HERC1: variants seen among roughly 807,000 people sequenced by gnomAD.
HERC1 encodes the protein probable E3 ubiquitin-protein ligase HERC1.
In HERC1, 160 loss-of-function variants were observed where a neutral mutation model predicts 554.3. The observed-to-expected ratio is 0.29, with a 90% CI of 0.25 to 0.33. The LOEUF (loss-of-function observed/expected upper bound fraction) is 0.33. Ranked by LOEUF, HERC1 falls within the 10% of genes least tolerant of loss-of-function variation. The pLI, the probability that HERC1 is intolerant of heterozygous loss-of-function variation, is 1.00. For synonymous variants in HERC1, 2,175 were observed against 2,131.7 expected, an observed-to-expected ratio of 1.02 and a Z score of -0.56; for missense variants, 4,919 against 5,918.5, an observed-to-expected ratio of 0.83 and a Z score of 5.54.
At chr15:63,779,037 G>C (rs1051351771) in intron 1 of HERC1, among the ~76,000 whole-genome samples, 6 of 151,822 alleles carry the variant, frequency 4.0e-5, no homozygotes, top group African/African-American at 1.2e-4. Context: ...CAGCAATGAA[G>C]AATGAATTAT....
At chr15:63,702,923 G>A (rs1596014732) in intron 25 of HERC1, among the ~76,000 whole-genome samples, 1 of 152,134 alleles carries the variant, frequency 6.6e-6, no homozygotes. Flanking sequence ...GGCCAACATG[G>A]TGAAACTCCG....
At chr15:63,707,502 C>G (rs1487761064) in intron 24 of HERC1, among the ~76,000 whole-genome samples, 2 of 152,092 alleles carry the variant, frequency 1.3e-5, no homozygotes, top group African/African-American at 4.8e-5. Context: ...CCTACTTGGC[C>G]TATATGTACA....
Position 63,716,345 on chromosome 15 carries a change from C to G in HERC1, c.4107G>C (p.Glu1369Asp), listed in dbSNP as rs772836576. The G allele has an allele frequency of 1.2e-6, 2 of 1,613,852 alleles. No homozygotes were observed. Among genetic ancestry groups the G allele is most frequent in the South Asian group, 2.2e-5 (2 of 91,074 alleles). ...RDREEGHPEP[E>D]DEEEEREHEV... Reference sequence around the variant, plus strand: ...CATGTTCCCGTTCCTCCTCTTCATCCTCTGGCTCCGGATGCCCCTCTTCCC... The same window carrying G: ...CATGTTCCCGTTCCTCCTCTTCATCGTCTGGCTCCGGATGCCCCTCTTCCC... Residue 1369 changes from glutamate to aspartate, a missense_variant, in exon 22 of 78, where the codon GAG (glutamate) becomes GAC (aspartate). Physicochemically the swap from Glu to Asp is conservative, Grantham distance 45. Around this residue, in one of 11 missense-constraint regions of HERC1, gnomAD observed 1,121 missense variants for 1,244.0 expected, o/e 0.90. Coordinates refer to ENST00000443617, the MANE Select transcript of HERC1 (RefSeq NM_003922.4).
rs191117360 is a variant in HERC1, at chr15:63,784,953, A to C, written c.-26-9304T>G. Among the ~76,000 whole-genome samples the C allele has an allele frequency of 1.1e-3, 172 of 152,360 alleles. 1 individual carries two copies. The highest frequency in any genetic ancestry group is 4.1e-3 in the African/African-American group (170 of 41,582). On this transcript the variant is annotated intron_variant, in intron 1 of 77. Coordinates refer to ENST00000443617, the MANE Select transcript of HERC1 (RefSeq NM_003922.4). ...AAAAAGCATTTTTAAAGAAATCCAAAACAAGGCAAAACCTAAATTTTTGGA... is the reference window on the plus strand; with the variant it reads ...AAAAAGCATTTTTAAAGAAATCCAACACAAGGCAAAACCTAAATTTTTGGA...
intron 43 of HERC1, among the ~76,000 whole-genome samples, chr15:63,663,505 G>A (rs1195514290): frequency 6.6e-6 from 1 of 152,144 alleles, no homozygotes; most frequent in Non-Finnish European, 1.5e-5. Flanking sequence ...ACTCAAGCTG[G>A]AGTGCAATGG....
chr15:63,697,915 T>C (rs1424356201), intron 26 of HERC1, among the ~76,000 whole-genome samples: 1 of 152,180 alleles, frequency 6.6e-6, no homozygotes, highest in African/African-American at 2.4e-5. Flanking sequence ...GGGAGAACTA[T>C]GGAAGAATTG....
chr15:63,672,703 CAA>C lies in HERC1; in HGVS notation c.7847-11_7847-10del. The C allele has an allele frequency of 6.5e-7, 1 of 1,541,140 alleles. No homozygotes were observed. The highest frequency in any genetic ancestry group is 8.8e-7 in the Non-Finnish European group (1 of 1,141,226). ...AGCTTGTTGATCAATCTCTAGAAAC[CAA>C]AAAAAAGGTTAAGAAAGTAGTAAGG... On this transcript the variant is annotated splice_polypyrimidine_tract_variant and intron_variant, in intron 38 of 77. Transcript: ENST00000443617.
chr15:63,782,978 G>A (rs997946690), intron 1 of HERC1, among the ~76,000 whole-genome samples: 2 of 152,180 alleles, frequency 1.3e-5, no homozygotes, highest in Admixed American at 6.5e-5. Context: ...AAATTTTAAC[G>A]GATGAGGAGT....
At chr15:63,629,006 A>G (rs2068430826) in intron 69 of HERC1, among the ~76,000 whole-genome samples, 191 bp from the exon 70 acceptor site, 1 of 150,172 alleles carries the variant, frequency 6.7e-6, no homozygotes, top group African/African-American at 2.5e-5. Context: ...GCTGGAGTGC[A>G]GTGGCACAAT....
intron 42 of HERC1, 135 bp from the exon 43 acceptor site, chr15:63,664,729 A>C: frequency 1.2e-5 from 9 of 721,848 alleles, no homozygotes; most frequent in Non-Finnish European, 1.8e-5. Context: ...TTTGAAACAC[A>C]TCTTTATCCC....
chr15:63,768,664 T>C (rs1017054716), intron 2 of HERC1, among the ~76,000 whole-genome samples: 7 of 152,186 alleles, frequency 4.6e-5, no homozygotes, highest in Admixed American at 4.6e-4. Context: ...AGGGCCATCA[T>C]GATCCCTCTT....
chr15:63,723,679 C>A (rs192022485), intron 18 of HERC1, among the ~76,000 whole-genome samples: 1 of 152,152 alleles, frequency 6.6e-6, no homozygotes, highest in African/African-American at 2.4e-5. Flanking sequence ...ATGTCCTACA[C>A]GTGCAATGGT....
chr15:63,657,547 C>G (rs1321183805), intron 48 of HERC1, among the ~76,000 whole-genome samples: 3 of 152,202 alleles, frequency 2.0e-5, no homozygotes, highest in South Asian at 2.1e-4. Flanking sequence ...AGATGCATTA[C>G]TAATATCTTC....
rs2070496327 is a variant in HERC1, at chr15:63,664,165, C to T, written c.8680+305G>A. Among the ~76,000 whole-genome samples the T allele has an allele frequency of 2.0e-5, 3 of 152,172 alleles. No homozygotes were observed. In the South Asian group the frequency reaches 6.2e-4, roughly 31 times the overall value. On this transcript the variant is annotated intron_variant, in intron 43 of 77. Transcript: ENST00000443617. Reference sequence around the variant, plus strand: ...CTGATGCTAAACATTAAACATGCATCATCACTTCTTAAATTATAATTGACT... The same window carrying T: ...CTGATGCTAAACATTAAACATGCATTATCACTTCTTAAATTATAATTGACT...
At chr15:63,693,274 C>T (rs367635603) in intron 30 of HERC1, among the ~76,000 whole-genome samples, 55 of 149,522 alleles carry the variant, frequency 3.7e-4, no homozygotes, top group African/African-American at 1.3e-3. Flanking sequence ...GACAGGCTCT[C>T]GCTCTGTCAT....
intron 48 of HERC1, among the ~76,000 whole-genome samples, chr15:63,658,156 T>C (rs1213185214): frequency 6.6e-6 from 1 of 152,154 alleles, no homozygotes; most frequent in Non-Finnish European, 1.5e-5. Context: ...CTTTTTACAT[T>C]ACACTCCACA....
intron 1 of HERC1, among the ~76,000 whole-genome samples, chr15:63,791,641 T>C (rs1439566414): frequency 6.6e-6 from 1 of 151,930 alleles, no homozygotes; most frequent in East Asian, 1.9e-4. Flanking sequence ...TTCGAGGGAG[T>C]TCAAATTGCA....
intron 45 of HERC1, 129 bp from the exon 46 acceptor site, chr15:63,661,154 G>C: frequency 4.4e-6 from 3 of 680,944 alleles, no homozygotes; most frequent in Non-Finnish European, 7.8e-6. Flanking sequence ...TATGTTTCAT[G>C]TTATAGGCTA....
In HERC1 at chr15:63,624,298, A is replaced by C. The variant is rs1338228091; in HGVS notation, c.13305T>G (p.Thr4435=). 5.6e-6 allele frequency: 9 copies of C among 1,611,780 alleles called. No homozygotes were observed. Among genetic ancestry groups the C allele is most frequent in the Non-Finnish European group, 7.6e-6 (9 of 1,178,298 alleles). The part of the protein sequence containing the change: ...QNSTSHYNAG[T]WGIVQGQLRP... ...GAAGTTGTCCCTGTACAATGCCCCAAGTTCCAGCATTATAATGGGATGTGC... is the reference window on the plus strand; with the variant it reads ...GAAGTTGTCCCTGTACAATGCCCCACGTTCCAGCATTATAATGGGATGTGC... The change falls in exon 72 of 78, where the codon ACT becomes ACG. Residue 4435 remains threonine, a synonymous_variant. Transcript: ENST00000443617.
Sources: gnomAD v4.1 joint callset for allele counts (sites outside exome capture counted in the v4.1 genomes callset) on GRCh38, gnomAD v4.1.1 for gene constraint, gnomAD v4.1.1 regional missense constraint, MANE v1.5 for transcripts, NCBI Gene and HGNC (gene_info 2026-07-23, HGNC 2026-07-21) for gene names.